Variants in ADI1 observed in about 807,000 individuals in gnomAD.
The protein encoded by ADI1 is acireductone dioxygenase 1, also known as acireductone dioxygenase.
A neutral mutation model predicts 18.7 loss-of-function variants in ADI1; 21 were observed. That is an observed-to-expected ratio of 1.13 (90% CI 0.80 to 1.62). ADI1 has a LOEUF of 1.62. Among genes scored for constraint, ADI1 ranks in the 40% most tolerant of loss-of-function variants. ADI1 has a pLI of 0.00. For missense variants in ADI1, 245 were observed against 254.9 expected (o/e 0.96, Z 0.26); for synonymous variants, 90 against 100.1 (o/e 0.90, Z 0.60).
rs369279789 is a variant in ADI1 at position 3,508,661 on chromosome 2, G to A, written c.240+5196C>T. 3.7e-4 allele frequency among the ~76,000 whole-genome samples: 57 copies of A among 152,080 alleles called. 1 individual carries two copies. The South Asian group carries it at 0.012, about 31-fold the overall frequency. ...TCATGTCAGTAATTCCAGCATTTTG[G>A]GAGGCCAAGGCAAGAAGATCACTTG... On this transcript the variant is annotated intron_variant, in intron 2 of 3. Transcript: ENST00000327435.
chr2:3,502,407 CTATTCAT>C (rs1209639250), intron 2 of ADI1, among the ~76,000 whole-genome samples: 1 of 150,680 alleles, frequency 6.6e-6, no homozygotes, highest in Non-Finnish European at 1.5e-5. Flanking sequence ...TGAAATCAGT[CTATTCAT>C]AGCCACACAG....
intron 2 of ADI1, among the ~76,000 whole-genome samples, chr2:3,508,621 G>A (rs910614016): frequency 6.6e-6 from 1 of 152,000 alleles, no homozygotes; most frequent in African/African-American, 2.4e-5. Flanking sequence ...AAAAATGCTG[G>A]CCAGAGACAG....
chr2:3,513,772 T>C, intron 2 of ADI1, 85 bp downstream of exon 2: 1 of 1,424,970 alleles, frequency 7.0e-7, no homozygotes, highest in Non-Finnish European at 9.4e-7. Context: ...ATACAGACAT[T>C]AAAAGAAAAA....
intron 2 of ADI1, among the ~76,000 whole-genome samples, chr2:3,503,271 A>T (rs113811402): frequency 2.2e-5 from 3 of 137,572 alleles, no homozygotes; most frequent in Non-Finnish European, 4.7e-5. Context: ...CGTAACACTC[A>T]CTCATGTGCA....
chr2:3,507,167 G>A (rs1667192062), intron 2 of ADI1, among the ~76,000 whole-genome samples: 1 of 152,160 alleles, frequency 6.6e-6, no homozygotes, highest in African/African-American at 2.4e-5. Context: ...GGGATTGGGG[G>A]AGAACAAAAT....
intron 2 of ADI1, among the ~76,000 whole-genome samples, chr2:3,504,371 T>A (rs1414196163): frequency 1.3e-5 from 2 of 152,216 alleles, no homozygotes. Context: ...ACAGCAATGA[T>A]GAAGCTAATG....
chr2:3,510,400 T>C (rs552383136), intron 2 of ADI1, among the ~76,000 whole-genome samples: 40 of 152,038 alleles, frequency 2.6e-4, no homozygotes, highest in African/African-American at 8.9e-4. Flanking sequence ...ACTAGGGAAC[T>C]TAGAAAAAAG....
intron 3 of ADI1, among the ~76,000 whole-genome samples, chr2:3,499,648 A>G (rs1666949020): frequency 6.6e-6 from 1 of 152,252 alleles, no homozygotes; most frequent in East Asian, 1.9e-4. Context: ...AGAACAATGT[A>G]TATACTCATT....
chr2:3,507,140 C>T (rs1019944127), intron 2 of ADI1, among the ~76,000 whole-genome samples: 9 of 152,172 alleles, frequency 5.9e-5, no homozygotes, highest in African/African-American at 2.2e-4. Flanking sequence ...AGCTTGAAGA[C>T]ATGTCCATGG....
At chr2:3,509,502 T>C (rs943897595) in intron 2 of ADI1, among the ~76,000 whole-genome samples, 8 of 151,816 alleles carry the variant, frequency 5.3e-5, no homozygotes, top group Admixed American at 5.3e-4. Context: ...AGAAATAAAT[T>C]AGAAACAAAT....
At chr2:3,509,972 C>T (rs184205775) in intron 2 of ADI1, among the ~76,000 whole-genome samples, 95 of 152,052 alleles carry the variant, frequency 6.2e-4, no homozygotes, top group Admixed American at 6.6e-5. Context: ...GGAGAAACCC[C>T]GTATCTACTA....
At chr2:3,507,129 A>G (rs1009001672) in intron 2 of ADI1, among the ~76,000 whole-genome samples, 2 of 152,232 alleles carry the variant, frequency 1.3e-5, no homozygotes, top group Non-Finnish European at 2.9e-5. Context: ...AAGAATCAGC[A>G]AGCTTGAAGA....
chr2:3,503,600 C>T (rs1558425958), intron 2 of ADI1, among the ~76,000 whole-genome samples: 2 of 152,302 alleles, frequency 1.3e-5, no homozygotes, highest in East Asian at 3.9e-4. Context: ...CAGAAAGCAC[C>T]TGAGCACAGC....
chr2:3,500,529 C>T (rs924603940), intron 3 of ADI1: 1 of 184,482 alleles, frequency 5.4e-6, no homozygotes, highest in East Asian at 1.2e-4. Flanking sequence ...GTGTACCTGC[C>T]GCCGCATGTA....
At position 3,504,731 on chromosome 2, in the gene ADI1, T is replaced by G. The variant is rs532601289; in HGVS notation, c.241-3738A>C. Among the ~76,000 whole-genome samples, 22 of 152,288 alleles carry G rather than the reference T, an allele frequency of 1.4e-4. No individual in the cohort carries two copies. In the East Asian group the frequency reaches 3.9e-3, roughly 27 times the overall value. On this transcript the variant is annotated intron_variant, in intron 2 of 3. Transcript: ENST00000327435. ...TGTATTGTCTGTTCGCCTGCGTATG[T>G]TTGTATTGTCTGTTCACCTGTGTAT...
intron 2 of ADI1, among the ~76,000 whole-genome samples, chr2:3,508,104 G>A (rs1667214483): frequency 6.6e-6 from 1 of 152,104 alleles, no homozygotes; most frequent in Non-Finnish European, 1.5e-5. Flanking sequence ...GGAGGCCGAG[G>A]AGGGTGGATT....
chr2:3,519,422 G>C lies in ADI1; in HGVS notation c.66C>G (p.Pro22=). 7.2e-7 allele frequency: 1 copy of C among 1,381,856 alleles called. No individual in the cohort carries two copies. The highest frequency in any genetic ancestry group is 9.3e-7 in the Non-Finnish European group (1 of 1,075,032). 85.6% of individuals were successfully genotyped at this position (1,381,856 alleles called of 1,614,324 possible). A position where few individuals can be genotyped will look rare whatever the true frequency, so the allele number is the denominator to read the frequency against. Residue 22 remains proline, a synonymous_variant, in exon 1 of 4, where the codon CCC becomes CCG. Coordinates refer to ENST00000327435, the MANE Select transcript of ADI1 (RefSeq NM_018269.4). ...GDPRQPHRPD[P]GRPVGLEQLR... ...GCTGCTCCAGGCCCACTGGGCGGCC[G>C]GGGTCGGGGCGGTGGGGTTGCCGCG...
chr2:3,513,955 T>A lies in ADI1; in HGVS notation c.142A>T (p.Asn48Tyr). 6.2e-7 allele frequency: 1 copy of A among 1,610,014 alleles called. No homozygotes were observed. The highest frequency in any genetic ancestry group is 8.5e-7 in the Non-Finnish European group (1 of 1,179,184). ...YWKLDADKYE[N>Y]DPELEKIRRE... ...CGGATCTTTTCTAATTCTGGATCAT[T>A]CTCATATTTGTCAGCATCCAGCTAA... is the stretch of plus-strand genomic sequence containing the variant. The change falls in exon 2 of 4, where the codon AAT (asparagine) becomes TAT (tyrosine). Residue 48 changes from asparagine to tyrosine, a missense_variant. Coordinates refer to ENST00000327435, the MANE Select transcript of ADI1 (RefSeq NM_018269.4).
In ADI1 at chr2:3,504,013, G is replaced by A. The variant is rs375509063; in HGVS notation, c.241-3020C>T. Among the ~76,000 whole-genome samples, 12 of 152,264 alleles carry A rather than the reference G, an allele frequency of 7.9e-5. 1 individual carries two copies. The highest frequency in any genetic ancestry group is 9.6e-5 in the African/African-American group (4 of 41,560). ...AAAGGCAGGAATCATCACGACTTAC[G>A]AAAAACGTTGAGTGAAAGTTTGAGG... On this transcript the variant is annotated intron_variant, in intron 2 of 3. Coordinates refer to ENST00000327435, the MANE Select transcript of ADI1 (RefSeq NM_018269.4).
Sources: gnomAD v4.1 joint callset for allele counts (sites outside exome capture counted in the v4.1 genomes callset) on GRCh38, gnomAD v4.1.1 for gene constraint, MANE v1.5 for transcripts, NCBI Gene and HGNC (gene_info 2026-07-23, HGNC 2026-07-21) for gene names.